Variants in ELMO1 observed in about 807,000 individuals in gnomAD.
ELMO1 encodes the protein engulfment and cell motility 1, also known as engulfment and cell motility protein 1.
Under a neutral mutation model 98.9 loss-of-function variants are expected in ELMO1, and 26 were observed. The observed-to-expected ratio is 0.26, with a 90% CI of 0.19 to 0.36. The LOEUF is 0.36. ELMO1 is among the 10% of genes least tolerant of loss of function. The pLI is 1.00. For missense variants in ELMO1, 627 were observed against 935.2 expected, an observed-to-expected ratio of 0.67 and a Z score of 4.30; for synonymous variants, 346 against 346.0, an observed-to-expected ratio of 1.00 and a Z score of 0.00.
chr7:37,324,538 G>T (rs911180067), intron 2 of ELMO1, among the ~76,000 whole-genome samples: 1 of 152,166 alleles, frequency 6.6e-6, no homozygotes, highest in Non-Finnish European at 1.5e-5. Context: ...TATTGACTAC[G>T]TGTTTTTCTC....
At chr7:37,391,032 CTTCCT>C (rs1169927127) in intron 1 of ELMO1, among the ~76,000 whole-genome samples, 5 of 150,224 alleles carry the variant, frequency 3.3e-5, no homozygotes, top group African/African-American at 1.2e-4. Flanking sequence ...TCCTTCCTTC[CTTCCT>C]TCCTTCCTTC....
chr7:37,225,885 C>A (rs1266041321), intron 8 of ELMO1, among the ~76,000 whole-genome samples: 1 of 152,086 alleles, frequency 6.6e-6, no homozygotes, highest in Non-Finnish European at 1.5e-5. Context: ...CAATAAAAAG[C>A]CATTATTATA....
At chr7:37,174,040 T>A (rs187050156) in intron 13 of ELMO1, among the ~76,000 whole-genome samples, 1 of 152,348 alleles carries the variant, frequency 6.6e-6, no homozygotes, top group East Asian at 1.9e-4. Context: ...CTCTTTGCCT[T>A]GAATCTGCCC....
At chr7:37,399,987 T>G (rs1803456651) in intron 1 of ELMO1, among the ~76,000 whole-genome samples, 1 of 152,218 alleles carries the variant, frequency 6.6e-6, no homozygotes, top group Non-Finnish European at 1.5e-5. Context: ...TTAATTTTAG[T>G]GAGGCAGAGC....
chr7:37,243,720 G>A (rs1794864188), intron 7 of ELMO1, among the ~76,000 whole-genome samples: 1 of 152,148 alleles, frequency 6.6e-6, no homozygotes, highest in Non-Finnish European at 1.5e-5. Flanking sequence ...TCTGCTTAAT[G>A]GCTTGGCACC....
chr7:37,225,999 C>T (rs1219269396), intron 8 of ELMO1, among the ~76,000 whole-genome samples: 1 of 151,920 alleles, frequency 6.6e-6, no homozygotes, highest in African/African-American at 2.4e-5. Context: ...TTTTTGCTGC[C>T]CCAGAGACCA....
Position 36,864,202 on chromosome 7 carries a change from C to A in ELMO1, c.1906-2466G>T, listed in dbSNP as rs958719005. Among the ~76,000 whole-genome samples the A allele has an allele frequency of 2.6e-5, 4 of 152,302 alleles. No individual in the cohort carries two copies. In the East Asian group the frequency reaches 7.7e-4, roughly 29 times the overall value. On this transcript the variant is annotated intron_variant, in intron 20 of 21. Transcript: ENST00000310758. ...GCCCAGATGTGCTCCGGACAGGGTGCTGAAGTCACTTGAGACCACAGTGTC... is the reference window on the plus strand; with the variant it reads ...GCCCAGATGTGCTCCGGACAGGGTGATGAAGTCACTTGAGACCACAGTGTC...
At chr7:37,327,742 A>G (rs1264308209) in intron 2 of ELMO1, among the ~76,000 whole-genome samples, 1 of 152,182 alleles carries the variant, frequency 6.6e-6, no homozygotes, top group East Asian at 1.9e-4. Context: ...GCCAGCAGGT[A>G]GTGGAGGGAC....
chr7:37,341,532 CTGA>C (rs1051751386), intron 2 of ELMO1, among the ~76,000 whole-genome samples: 1 of 152,134 alleles, frequency 6.6e-6, no homozygotes, highest in Non-Finnish European at 1.5e-5. Flanking sequence ...GATGTGTGGT[CTGA>C]TAACAGCTTT....
At chr7:37,032,731 G>A (rs149777868) in intron 15 of ELMO1, among the ~76,000 whole-genome samples, 2 of 152,298 alleles carry the variant, frequency 1.3e-5, no homozygotes, top group African/African-American at 2.4e-5. Context: ...GGCAGAAACT[G>A]TTGGGTTCTG....
At chr7:37,056,326 A>G (rs1393748800) in intron 15 of ELMO1, among the ~76,000 whole-genome samples, 2 of 152,206 alleles carry the variant, frequency 1.3e-5, no homozygotes, top group Non-Finnish European at 1.5e-5. Context: ...AGCTTTTCAC[A>G]TGTCAGTTCA....
Position 36,961,228 on chromosome 7 carries a change from T to C in ELMO1, c.1437+52071A>G, listed in dbSNP as rs1788922434. Among the ~76,000 whole-genome samples the C allele has an allele frequency of 4.6e-5, 7 of 152,216 alleles. No homozygotes were observed. The South Asian group carries it at 1.0e-3, about 23-fold the overall frequency. On this transcript the variant is annotated intron_variant, in intron 16 of 21. Coordinates refer to ENST00000310758, the MANE Select transcript of ELMO1 (RefSeq NM_014800.11). Reference sequence around the variant, plus strand: ...TATACCTTCTCAGAGAGGCCTGTTATACAAAATTCCATTCTTCATCATGCA... The same window carrying C: ...TATACCTTCTCAGAGAGGCCTGTTACACAAAATTCCATTCTTCATCATGCA...
chr7:36,899,684 C>CTTTTTTTTTTTTTTTGTTTTT (rs1806336567), intron 16 of ELMO1, among the ~76,000 whole-genome samples: 1 of 63,664 alleles, frequency 1.6e-5, no homozygotes. Context: ...CTTTACTCAT[C>CTTTTTTTTTTTTTTTGTTTTT]TTTTTTTTTT....
intron 1 of ELMO1, among the ~76,000 whole-genome samples, chr7:37,431,923 C>T (rs1446284746): frequency 6.6e-6 from 1 of 152,022 alleles, no homozygotes; most frequent in African/African-American, 2.4e-5. Flanking sequence ...CTCTTGTTGC[C>T]CAGGCTGGAG....
intron 1 of ELMO1, among the ~76,000 whole-genome samples, chr7:37,382,858 TTC>T (rs1345320139): frequency 1.3e-5 from 2 of 152,110 alleles, no homozygotes; most frequent in Admixed American, 1.3e-4. Context: ...ACTAATAAAC[TTC>T]TGTTTGCTAT....
Position 36,859,785 on chromosome 7 carries a change from C to T in ELMO1, c.1983+1874G>A, listed in dbSNP as rs146119125. Among the ~76,000 whole-genome samples the T allele has an allele frequency of 7.2e-5, 11 of 152,282 alleles. No homozygotes were observed. In the East Asian group the frequency reaches 2.1e-3, roughly 29 times the overall value. On this transcript the variant is annotated intron_variant, in intron 21 of 21. Coordinates refer to ENST00000310758, the MANE Select transcript of ELMO1 (RefSeq NM_014800.11). ...GAGTAAGCCAGGGTCGTTATACTTA[C>T]AGTTGACCCTTGAACAACATGGGTT... is the stretch of plus-strand genomic sequence containing the variant.
chr7:37,449,106 G>A (rs1323104665), upstream of ELMO1: 1 of 152,374 alleles, frequency 6.6e-6, no homozygotes, highest in Non-Finnish European at 1.5e-5. Context: ...ACTTTGCCTA[G>A]GGGGATGCCC....
chr7:37,293,145 G>T (rs1797835451), intron 4 of ELMO1, among the ~76,000 whole-genome samples: 1 of 56,374 alleles, frequency 1.8e-5, no homozygotes, highest in African/African-American at 4.0e-5. Context: ...GAGGTGAGGG[G>T]CGCCTCTGCC....
At chr7:37,256,400 A>G (rs1003200524) in intron 6 of ELMO1, among the ~76,000 whole-genome samples, 1 of 151,834 alleles carries the variant, frequency 6.6e-6, no homozygotes, top group African/African-American at 2.4e-5. Context: ...AAGATCCCCA[A>G]CTCCAAACTC....
Sources: gnomAD v4.1 joint callset for allele counts (sites outside exome capture counted in the v4.1 genomes callset) on GRCh38, gnomAD v4.1.1 for gene constraint, MANE v1.5 for transcripts, NCBI Gene and HGNC (gene_info 2026-07-23, HGNC 2026-07-21) for gene names.